AADACL2: variants seen among roughly 807,000 people sequenced by gnomAD.
AADACL2 encodes arylacetamide deacetylase-like 2.
Under a neutral mutation model 22.3 loss-of-function variants are expected in AADACL2, and 23 were observed. That is an observed-to-expected ratio of 1.03 (90% CI 0.74 to 1.46). The LOEUF (loss-of-function observed/expected upper bound fraction) is 1.46. Ranked by LOEUF, AADACL2 falls within the 40% of genes most tolerant of loss-of-function variation. AADACL2 has a pLI of 0.00. For missense variants in AADACL2, 472 were observed against 482.9 expected (o/e 0.98, Z 0.21); for synonymous variants, 177 against 166.2 (o/e 1.07, Z -0.50).
chr3:151,753,177 A>G (rs1713735947), intron 4 of AADACL2, among the ~76,000 whole-genome samples: 1 of 152,162 alleles, frequency 6.6e-6, no homozygotes, highest in Non-Finnish European at 1.5e-5. Context: ...TAATCACTGC[A>G]TATCAGTGTT....
At chr3:151,744,290 C>T (rs1713372252) in intron 3 of AADACL2, 128 bp downstream of exon 3, 1 of 777,424 alleles carries the variant, frequency 1.3e-6, no homozygotes, top group Admixed American at 2.9e-5. Context: ...GTCACCATTG[C>T]AACATAGACT....
At chr3:151,749,917 T>C (rs1713601759) in intron 4 of AADACL2, among the ~76,000 whole-genome samples, 1 of 152,228 alleles carries the variant, frequency 6.6e-6, no homozygotes, top group Non-Finnish European at 1.5e-5. Context: ...ATCTTTGTCT[T>C]GTTCCTGATG....
intron 2 of AADACL2, among the ~76,000 whole-genome samples, chr3:151,741,573 T>C (rs1713278773): frequency 6.6e-6 from 1 of 152,174 alleles, no homozygotes; most frequent in Admixed American, 6.5e-5. Flanking sequence ...ATGTTTTCAA[T>C]ACATTGGATT....
At chr3:151,740,163 T>C (rs1459396427) in intron 1 of AADACL2, among the ~76,000 whole-genome samples, 1 of 152,210 alleles carries the variant, frequency 6.6e-6, no homozygotes, top group African/African-American at 2.4e-5. Context: ...TCTCCTGATC[T>C]GCAGATTGCA....
chr3:151,740,263 T>C (rs1346549991), intron 1 of AADACL2, among the ~76,000 whole-genome samples: 1 of 152,202 alleles, frequency 6.6e-6, no homozygotes, highest in African/African-American at 2.4e-5. Flanking sequence ...CCTGGCTCCT[T>C]GCACTTCCTG....
At chr3:151,755,663 T>C (rs547395977) in intron 4 of AADACL2, among the ~76,000 whole-genome samples, 16 of 152,112 alleles carry the variant, frequency 1.1e-4, no homozygotes, top group Middle Eastern at 3.2e-3. Flanking sequence ...ATGGGGAACA[T>C]AGAGATGGGA....
intron 2 of AADACL2, among the ~76,000 whole-genome samples, chr3:151,741,939 C>A (rs1374852106): frequency 1.3e-5 from 2 of 152,102 alleles, no homozygotes; most frequent in African/African-American, 4.8e-5. Context: ...GACATTCCAA[C>A]ATTCTGCTTA....
At chr3:151,755,319 T>A (rs1188473375) in intron 4 of AADACL2, among the ~76,000 whole-genome samples, 1 of 152,140 alleles carries the variant, frequency 6.6e-6, no homozygotes, top group Non-Finnish European at 1.5e-5. Flanking sequence ...GTAGAAAGAT[T>A]AATCATGTAC....
At chr3:151,748,161 T>G (rs1713522905) in intron 4 of AADACL2, among the ~76,000 whole-genome samples, 1 of 152,218 alleles carries the variant, frequency 6.6e-6, no homozygotes, top group East Asian at 1.9e-4. Flanking sequence ...CCTGTACTTT[T>G]GGAGTCATAC....
At position 151,760,423 on chromosome 3, in the gene AADACL2, C is replaced by T. The variant is rs1271065867; in HGVS notation, c.*2829C>T. 1 of 152,042 alleles carries T rather than the reference C, an allele frequency of 6.6e-6. No homozygotes were observed. Among genetic ancestry groups the T allele is most frequent in the Non-Finnish European group, 1.5e-5 (1 of 68,002 alleles). The allele number at this position is 152,042 out of a possible 1,614,324, so 9.4% of individuals were successfully genotyped here. A position where few individuals can be genotyped will look rare whatever the true frequency, so the allele number is the denominator to read the frequency against. On this transcript the variant is annotated 3_prime_UTR_variant, in exon 5 of 5. Coordinates refer to ENST00000356517, the MANE Select transcript of AADACL2 (RefSeq NM_207365.4). The stretch of plus-strand genomic sequence containing the variant: ...TACAGTTTGTGTACTAGTCCAAGTC[C>T]CAAGTTGTGACGATACAGCTCCATA...
chr3:151,745,567 G>C lies in AADACL2; in HGVS notation c.490G>C (p.Val164Leu). The change falls in exon 4 of 5, where the codon GTC (valine) becomes CTC (leucine). Residue 164 changes from valine to leucine, a missense_variant. This residue lies in a region of AADACL2 where 356 missense variants were observed against 365.5 expected (regional missense o/e 0.97). Coordinates refer to ENST00000356517, the MANE Select transcript of AADACL2 (RefSeq NM_207365.4). Reference sequence around the variant, plus strand: ...TCAGTTTGAAGATGGCCTTGCTGCAGTCAAATTTTTTCTTTTGGAAAAAAT... The same window carrying C: ...TCAGTTTGAAGATGGCCTTGCTGCACTCAAATTTTTTCTTTTGGAAAAAAT... The part of the protein sequence containing the change: ...PAQFEDGLAA[V>L]KFFLLEKILT... 6.2e-7 allele frequency: 1 copy of C among 1,613,816 alleles called. No homozygotes were observed. Among genetic ancestry groups the C allele is most frequent in the Non-Finnish European group, 8.5e-7 (1 of 1,179,864 alleles).
In AADACL2 at chr3:151,759,223, T is replaced by TA. The variant is rs1714066369; in HGVS notation, c.*1629_*1630insA. 6.6e-6 allele frequency: 1 copy of TA among 152,154 alleles called. No homozygotes were observed. Among genetic ancestry groups the TA allele is most frequent in the African/African-American group, 2.4e-5 (1 of 41,446 alleles). The allele number at this position is 152,154 out of a possible 1,614,324, so 9.4% of individuals were successfully genotyped here. On this transcript the variant is annotated 3_prime_UTR_variant, in exon 5 of 5. Transcript: ENST00000356517. ...TTTAATCTCCTGTAAACTTGATATA[T>TA]TTTAAAATTTGTAATTTGTTTTTCA...
intron 4 of AADACL2, among the ~76,000 whole-genome samples, chr3:151,753,616 CAGTTTCTATGA>C (rs1380163034): frequency 5.3e-5 from 8 of 152,086 alleles, no homozygotes; most frequent in Non-Finnish European, 1.0e-4. Context: ...ATAGCAATCA[CAGTTTCTATGA>C]AGTTGAGTGC....
intron 4 of AADACL2, among the ~76,000 whole-genome samples, chr3:151,748,764 T>C (rs935610119): frequency 2.9e-4 from 44 of 152,332 alleles, no homozygotes; most frequent in South Asian, 6.2e-4. Flanking sequence ...ATACCCAATC[T>C]TGAAACTTTC....
Position 151,757,704 on chromosome 3 carries a change from A to G in AADACL2, c.*110A>G, listed in dbSNP as rs1264386254. ...TGAGTTATCTAAATCTACATTTGCAACATTTGTAGCAGTTAATGTGTGTCC... is the reference window on the plus strand; with the variant it reads ...TGAGTTATCTAAATCTACATTTGCAGCATTTGTAGCAGTTAATGTGTGTCC... On this transcript the variant is annotated 3_prime_UTR_variant, in exon 5 of 5. Transcript: ENST00000356517. The G allele has an allele frequency of 1.0e-5, 14 of 1,356,454 alleles. No homozygotes were observed. The highest frequency in any genetic ancestry group is 1.3e-5 in the Non-Finnish European group (13 of 1,002,932). The allele number at this position is 1,356,454 out of a possible 1,614,324, so 84.0% of individuals were successfully genotyped here.
At chr3:151,734,799 C>A (rs919702062) in intron 1 of AADACL2, among the ~76,000 whole-genome samples, 1 of 152,014 alleles carries the variant, frequency 6.6e-6, no homozygotes. Flanking sequence ...CGCTATCCTG[C>A]AATTATTTTT....
At chr3:151,755,507 A>G (rs1713865579) in intron 4 of AADACL2, among the ~76,000 whole-genome samples, 1 of 152,192 alleles carries the variant, frequency 6.6e-6, no homozygotes, top group Admixed American at 6.6e-5. Flanking sequence ...TAAATAACAT[A>G]GTTGTTAAGA....
intron 2 of AADACL2, 103 bp from the exon 3 acceptor site, chr3:151,743,990 T>C: frequency 8.4e-7 from 1 of 1,195,418 alleles, no homozygotes; most frequent in Admixed American, 1.8e-5. Flanking sequence ...ATAAAAGCTA[T>C]GTGATATTCA....
intron 1 of AADACL2, among the ~76,000 whole-genome samples, chr3:151,735,227 C>T (rs547545736): frequency 5.8e-4 from 89 of 152,244 alleles, no homozygotes; most frequent in Middle Eastern, 3.4e-3. Context: ...AAATACTATG[C>T]TCCCTTTCTT....
Sources: gnomAD v4.1 joint callset for allele counts (sites outside exome capture counted in the v4.1 genomes callset) on GRCh38, gnomAD v4.1.1 for gene constraint, gnomAD v4.1.1 regional missense constraint, MANE v1.5 for transcripts, NCBI Gene and HGNC (gene_info 2026-07-23, HGNC 2026-07-21) for gene names.